The following SP3 variants were observed in gnomAD, a reference collection of about 807,000 sequenced individuals.
The protein encoded by SP3 is Sp3 transcription factor.
A neutral mutation model predicts 70.3 loss-of-function variants in SP3; 10 were observed. The observed-to-expected ratio is 0.14, with a 90% confidence interval of 0.09 to 0.24. The LOEUF is 0.24. SP3 is among the 10% of genes least tolerant of loss of function. The probability of loss-of-function intolerance (pLI) is 1.00; values close to 1 mark genes in which losing one functional copy is unlikely to be tolerated. For synonymous variants in SP3, 402 were observed against 333.5 expected (o/e 1.21, Z -2.24); for missense variants, 825 against 914.6 (o/e 0.90, Z 1.26).
In SP3 at chr2:173,941,315, T is replaced by C. The variant is rs1209769606; in HGVS notation, c.1639+13558A>G. Among the ~76,000 whole-genome samples, 4 of 152,130 alleles carry C rather than the reference T, an allele frequency of 2.6e-5. No individual in the cohort carries two copies. The South Asian group carries it at 8.3e-4, about 31-fold the overall frequency. ...CATCTTATGTACCCTCCACAATATA[T>C]GAATAGATAATGCTAGGCATGGTGG... On this transcript the variant is annotated intron_variant, in intron 4 of 6. Transcript: ENST00000310015.
chr2:173,905,276 T>C lies in SP3; in HGVS notation c.*4665A>G, dbSNP rs1292142450. Among the ~76,000 whole-genome samples, 2 of 152,166 alleles carry C rather than the reference T, an allele frequency of 1.3e-5. No individual in the cohort carries two copies. Among genetic ancestry groups the C allele is most frequent in the African/African-American group, 2.4e-5 (1 of 41,444 alleles). On this transcript the variant is annotated 3_prime_UTR_variant, in exon 7 of 7. Transcript: ENST00000310015. Reference sequence around the variant, plus strand: ...CCAGAGTTAAGGGGGGAGGAAGGCATTGGAAGGAGGTTACCATTTGAATCT... The same window carrying C: ...CCAGAGTTAAGGGGGGAGGAAGGCACTGGAAGGAGGTTACCATTTGAATCT...
chr2:173,945,485 T>C (rs937714562), intron 4 of SP3, among the ~76,000 whole-genome samples: 1 of 152,158 alleles, frequency 6.6e-6, no homozygotes, highest in African/African-American at 2.4e-5. Context: ...AAAAGATTAA[T>C]ATCCCAGACA....
intron 3 of SP3, among the ~76,000 whole-genome samples, chr2:173,962,295 A>G (rs1691113764): frequency 6.6e-6 from 1 of 152,258 alleles, no homozygotes; most frequent in African/African-American, 2.4e-5. Context: ...CAGTTACAAG[A>G]AAAGTTTTGT....
At chr2:173,964,644 A>G in intron 1 of SP3, 91 bp from the exon 2 acceptor site, 1 of 540,314 alleles carries the variant, frequency 1.9e-6, no homozygotes, top group Non-Finnish European at 3.4e-6. Context: ...ATTACTCCCA[A>G]AGCCCGGACC....
chr2:173,961,036 A>G (rs1691057030), intron 3 of SP3, among the ~76,000 whole-genome samples: 2 of 152,224 alleles, frequency 1.3e-5, no homozygotes, highest in Admixed American at 6.5e-5. Context: ...AAAATGAAGT[A>G]AATTAATAAT....
chr2:173,965,344 C>T lies in SP3; in HGVS notation c.-173G>A. 1.4e-6 allele frequency: 1 copy of T among 734,504 alleles called. No individual in the cohort carries two copies. Among genetic ancestry groups the T allele is most frequent in the Non-Finnish European group, 2.2e-6 (1 of 449,198 alleles). 45.5% of individuals were successfully genotyped at this position (734,504 alleles called of 1,614,324 possible). On this transcript the variant is annotated 5_prime_UTR_variant, in exon 1 of 7. Transcript: ENST00000310015. ...GTGCGGGAAACACAAAAGGTGGAGCCTCCAGCCCAAAAGGGGGGAAGAGGG... is the reference window on the plus strand; with the variant it reads ...GTGCGGGAAACACAAAAGGTGGAGCTTCCAGCCCAAAAGGGGGGAAGAGGG...
chr2:173,943,145 C>T (rs1467028320), intron 4 of SP3, among the ~76,000 whole-genome samples: 3 of 152,074 alleles, frequency 2.0e-5, no homozygotes, highest in South Asian at 2.1e-4. Flanking sequence ...GACCTGCTGG[C>T]GTGATCTTTT....
At chr2:173,925,511 C>CT (rs1689889038) in intron 4 of SP3, among the ~76,000 whole-genome samples, 1 of 152,170 alleles carries the variant, frequency 6.6e-6, no homozygotes, top group Non-Finnish European at 1.5e-5. Flanking sequence ...TGTGAATACA[C>CT]TTAACATTAC....
intron 4 of SP3, among the ~76,000 whole-genome samples, chr2:173,948,527 G>A (rs1197204332): frequency 1.3e-5 from 2 of 152,014 alleles, no homozygotes; most frequent in African/African-American, 4.8e-5. Flanking sequence ...TCACTGATAA[G>A]GGGGGCGACT....
At chr2:173,921,259 A>G (rs796846437) in intron 4 of SP3, among the ~76,000 whole-genome samples, 1 of 152,248 alleles carries the variant, frequency 6.6e-6, no homozygotes. Context: ...TACAAATAAT[A>G]AAATGAGTGT....
rs1689347190 is a variant in SP3, at chr2:173,907,065, A to AATTT, written c.*2875_*2876insAAAT. The stretch of plus-strand genomic sequence containing the variant: ...TCTGCGGTAGGTGTAGCTCCTTTAA[A>AATTT]AGGTTATGTGCTTTTTGGTTGAGTC... On this transcript the variant is annotated 3_prime_UTR_variant, in exon 7 of 7. Coordinates refer to ENST00000310015, the MANE Select transcript of SP3 (RefSeq NM_003111.5). 6.6e-6 allele frequency: 1 copy of AATTT among 152,166 alleles called. No individual in the cohort carries two copies. Among genetic ancestry groups the AATTT allele is most frequent in the African/African-American group, 2.4e-5 (1 of 41,450 alleles). 9.4% of individuals were successfully genotyped at this position (152,166 alleles called of 1,614,324 possible).
rs1689273770 is a variant in SP3 at position 173,904,923 on chromosome 2, T to C, written c.*5018A>G. Among the ~76,000 whole-genome samples, 1 of 152,230 alleles carries C rather than the reference T, an allele frequency of 6.6e-6. No individual in the cohort carries two copies. Among genetic ancestry groups the C allele is most frequent in the Admixed American group, 6.5e-5 (1 of 15,294 alleles). Reference sequence around the variant, plus strand: ...TTCCTAATCTTAAAAACCACTTCAGTGCTAGACTTTATCTTTCAGTCGCAA... The same window carrying C: ...TTCCTAATCTTAAAAACCACTTCAGCGCTAGACTTTATCTTTCAGTCGCAA... On this transcript the variant is annotated 3_prime_UTR_variant, in exon 7 of 7. Transcript: ENST00000310015.
intron 4 of SP3, among the ~76,000 whole-genome samples, chr2:173,920,592 T>TA (rs1689725230): frequency 6.6e-6 from 1 of 150,554 alleles, no homozygotes; most frequent in Non-Finnish European, 1.5e-5. Flanking sequence ...AACTGCTCTT[T>TA]AAAAATTTAT....
At chr2:173,931,152 A>T (rs1041335930) in intron 4 of SP3, among the ~76,000 whole-genome samples, 1 of 152,234 alleles carries the variant, frequency 6.6e-6, no homozygotes, top group Non-Finnish European at 1.5e-5. Flanking sequence ...AAATGCTAAC[A>T]ATCATCTGAG....
At chr2:173,951,172 T>C (rs1175372363) in intron 4 of SP3, among the ~76,000 whole-genome samples, 1 of 152,210 alleles carries the variant, frequency 6.6e-6, no homozygotes, top group Non-Finnish European at 1.5e-5. Context: ...CTAGATTTAT[T>C]TTCTAACACC....
At chr2:173,918,853 T>C in intron 4 of SP3, 68 bp from the exon 5 acceptor site, 1 of 1,354,008 alleles carries the variant, frequency 7.4e-7, no homozygotes. Context: ...AGCATGAAAT[T>C]ACATGTCTTC....
intron 4 of SP3, among the ~76,000 whole-genome samples, chr2:173,936,907 A>T (rs1231804248): frequency 6.6e-6 from 1 of 151,802 alleles, no homozygotes; most frequent in Non-Finnish European, 1.5e-5. Flanking sequence ...GGTCTCCTGG[A>T]GCCTTTTTTG....
chr2:173,910,884 T>A (rs1417044022), intron 6 of SP3, among the ~76,000 whole-genome samples: 2 of 152,332 alleles, frequency 1.3e-5, no homozygotes, highest in Non-Finnish European at 2.9e-5. Flanking sequence ...TTTCCCAGCA[T>A]GAATAAAGTA....
chr2:173,919,440 C>T (rs938126395), intron 4 of SP3, among the ~76,000 whole-genome samples: 1 of 152,178 alleles, frequency 6.6e-6, no homozygotes, highest in African/African-American at 2.4e-5. Flanking sequence ...CTTAAGTTTA[C>T]ATCTTCCTTG....
Sources: gnomAD v4.1 joint callset for allele counts (sites outside exome capture counted in the v4.1 genomes callset) on GRCh38, gnomAD v4.1.1 for gene constraint, MANE v1.5 for transcripts, NCBI Gene and HGNC (gene_info 2026-07-23, HGNC 2026-07-21) for gene names.